The following CNTN4 variants were observed in gnomAD, a reference collection of about 807,000 sequenced individuals.
CNTN4 encodes contactin-4.
In CNTN4, 77 loss-of-function variants were observed where a neutral mutation model predicts 122.5. That is an observed-to-expected ratio of 0.63 (90% confidence interval 0.52 to 0.76). The LOEUF (loss-of-function observed/expected upper bound fraction) is 0.76, where lower values mean the gene tolerates loss of function less well. Among genes scored for constraint, CNTN4 ranks in the 30% least tolerant of loss-of-function variants. CNTN4 has a pLI of 0.00. For missense variants in CNTN4, 1,256 were observed against 1,259.1 expected, an observed-to-expected ratio of 1.00 and a Z score of 0.04; for synonymous variants, 512 against 447.0, an observed-to-expected ratio of 1.15 and a Z score of -1.83.
At chr3:2,222,543 A>G (rs2039100701) in intron 2 of CNTN4, among the ~76,000 whole-genome samples, 1 of 152,134 alleles carries the variant, frequency 6.6e-6, no homozygotes, top group African/African-American at 2.4e-5. Context: ...AATTTTTTTA[A>G]ATAGGCACAG....
chr3:2,703,883 A>G (rs895834707), intron 4 of CNTN4, among the ~76,000 whole-genome samples: 3 of 152,170 alleles, frequency 2.0e-5, no homozygotes, highest in East Asian at 1.9e-4. Context: ...TTAAAAGATG[A>G]TAGTGTAAAT....
intron 3 of CNTN4, among the ~76,000 whole-genome samples, chr3:2,373,007 A>G (rs578136035): frequency 2.0e-5 from 3 of 152,314 alleles, no homozygotes; most frequent in South Asian, 4.1e-4. Context: ...AGATCTCACC[A>G]CTGCACCCCA....
chr3:2,416,678 G>A (rs1010357272), intron 3 of CNTN4, among the ~76,000 whole-genome samples: 4 of 150,812 alleles, frequency 2.7e-5, no homozygotes, highest in Middle Eastern at 3.5e-3. Context: ...TTTTAGGACG[G>A]AGTCTCTGTC....
chr3:2,436,125 G>C (rs1335242513), intron 3 of CNTN4, among the ~76,000 whole-genome samples: 1 of 152,004 alleles, frequency 6.6e-6, no homozygotes, highest in Non-Finnish European at 1.5e-5. Context: ...TTATCCTTTG[G>C]CCAGTATTTT....
At chr3:2,279,690 T>C (rs1053982271) in intron 2 of CNTN4, among the ~76,000 whole-genome samples, 2 of 152,044 alleles carry the variant, frequency 1.3e-5, no homozygotes, top group African/African-American at 4.8e-5. Context: ...AAATATGCAT[T>C]GAAAAAAATA....
At position 2,358,941 on chromosome 3, in the gene CNTN4, C is replaced by T. The variant is rs139395378; in HGVS notation, c.-89+19708C>T. On this transcript the variant is annotated intron_variant, in intron 3 of 24. Transcript: ENST00000418658. ...AATGAGGTTTTCTCTCTCACAATTACGTGAGCCTCTGCAGAGTGTACTTTT... is the reference window on the plus strand; with the variant it reads ...AATGAGGTTTTCTCTCTCACAATTATGTGAGCCTCTGCAGAGTGTACTTTT... 8.3e-4 allele frequency among the ~76,000 whole-genome samples: 126 copies of T among 152,264 alleles called. 1 individual carries two copies. The Middle Eastern group carries it at 0.01, about 12-fold the overall frequency.
At chr3:2,245,506 C>G (rs2040110279) in intron 2 of CNTN4, among the ~76,000 whole-genome samples, 1 of 151,994 alleles carries the variant, frequency 6.6e-6, no homozygotes, top group South Asian at 2.1e-4. Context: ...GATTGTCCTG[C>G]TATACTTAAT....
intron 2 of CNTN4, among the ~76,000 whole-genome samples, chr3:2,329,335 G>A (rs1254920777): frequency 6.6e-6 from 1 of 152,144 alleles, no homozygotes; most frequent in Non-Finnish European, 1.5e-5. Flanking sequence ...TTTCTGCCAA[G>A]AAGTGCCAAA....
chr3:2,915,030 C>T lies in CNTN4; in HGVS notation c.1208-10599C>T, dbSNP rs111260092. ...GAAGGACCAGAACCACGTGATCGTTCCAATTGATGAAGAAAAAGCTTTTGA... is the reference window on the plus strand; with the variant it reads ...GAAGGACCAGAACCACGTGATCGTTTCAATTGATGAAGAAAAAGCTTTTGA... On this transcript the variant is annotated intron_variant, in intron 12 of 24. Coordinates refer to ENST00000418658, the MANE Select transcript of CNTN4 (RefSeq NM_175607.3). 7.6e-4 allele frequency among the ~76,000 whole-genome samples: 115 copies of T among 152,184 alleles called. 1 individual carries two copies. The highest frequency in any genetic ancestry group is 2.6e-3 in the African/African-American group (108 of 41,518).
In CNTN4 at chr3:2,580,833, G is replaced by A. The variant is rs148240290; in HGVS notation, c.55+9275G>A. On this transcript the variant is annotated intron_variant, in intron 4 of 24. Transcript: ENST00000418658. Reference sequence around the variant, plus strand: ...CCCTTAAACTCAAAACAACCCTCTGGGAGAGGTATTATCCTAAGTTCATAG... The same window carrying A: ...CCCTTAAACTCAAAACAACCCTCTGAGAGAGGTATTATCCTAAGTTCATAG... 8.5e-4 allele frequency among the ~76,000 whole-genome samples: 130 copies of A among 152,186 alleles called. 1 individual carries two copies. The highest frequency in any genetic ancestry group is 3.0e-3 in the African/African-American group (124 of 41,524).
rs568456310 is a variant in CNTN4 at position 2,276,492 on chromosome 3, T to A, written c.-144-62686T>A. On this transcript the variant is annotated intron_variant, in intron 2 of 24. Transcript: ENST00000418658. ...GCAGGCTTCTTTGCTTGATTTATGA[T>A]CTTTTAAAAAATTTGTCATGCTGGG... Among the ~76,000 whole-genome samples, 12 of 152,246 alleles carry A rather than the reference T, an allele frequency of 7.9e-5. No homozygotes were observed. In the East Asian group the frequency reaches 1.9e-3, roughly 24 times the overall value.
chr3:2,957,041 T>C (rs1225842614), intron 13 of CNTN4, among the ~76,000 whole-genome samples: 4 of 152,226 alleles, frequency 2.6e-5, no homozygotes, highest in Admixed American at 6.5e-5. Context: ...AATCCCGTGA[T>C]GGACACTTGG....
At chr3:2,775,957 C>T (rs1206341344) in intron 6 of CNTN4, among the ~76,000 whole-genome samples, 3 of 152,210 alleles carry the variant, frequency 2.0e-5, no homozygotes, top group African/African-American at 4.8e-5. Flanking sequence ...AAGTATTGCT[C>T]TTCAGCCCGA....
intron 4 of CNTN4, among the ~76,000 whole-genome samples, chr3:2,602,966 G>C (rs917489722): frequency 6.6e-6 from 1 of 152,172 alleles, no homozygotes; most frequent in Non-Finnish European, 1.5e-5. Flanking sequence ...CTGTTTGAAA[G>C]TTTAACTCTC....
chr3:2,271,382 T>C (rs1173220257), intron 2 of CNTN4, among the ~76,000 whole-genome samples: 2 of 152,174 alleles, frequency 1.3e-5, no homozygotes, highest in Admixed American at 6.6e-5. Context: ...AATGTGCTTA[T>C]TATTTTAAAG....
intron 4 of CNTN4, among the ~76,000 whole-genome samples, chr3:2,734,947 A>G (rs1559445330): frequency 6.6e-6 from 1 of 152,336 alleles, no homozygotes; most frequent in East Asian, 1.9e-4. Context: ...CTCATCAGGC[A>G]GTGCCTAAGT....
intron 13 of CNTN4, among the ~76,000 whole-genome samples, chr3:2,979,591 A>G (rs1255910664): frequency 6.7e-6 from 1 of 149,566 alleles, no homozygotes; most frequent in East Asian, 1.9e-4. Flanking sequence ...AGAGAGTAGA[A>G]GCCTTTTAAG....
chr3:2,648,737 G>GA (rs979762520), intron 4 of CNTN4, among the ~76,000 whole-genome samples: 7 of 152,096 alleles, frequency 4.6e-5, no homozygotes, highest in African/African-American at 1.7e-4. Context: ...CTTTCACTTT[G>GA]AATAAAAAAC....
chr3:2,608,359 C>T (rs1263719399), intron 4 of CNTN4, among the ~76,000 whole-genome samples: 1 of 152,156 alleles, frequency 6.6e-6, no homozygotes, highest in Non-Finnish European at 1.5e-5. Flanking sequence ...ACTCAGGAGG[C>T]TGAGGTGGGG....
Sources: gnomAD v4.1 joint callset for allele counts (sites outside exome capture counted in the v4.1 genomes callset) on GRCh38, gnomAD v4.1.1 for gene constraint, MANE v1.5 for transcripts, NCBI Gene and HGNC (gene_info 2026-07-23, HGNC 2026-07-21) for gene names.